Variants in ETV6 observed in about 807,000 individuals in gnomAD.
The protein encoded by ETV6 is transcription factor ETV6.
ETV6 carries 16 observed loss-of-function variants against 51.1 expected under a neutral mutation model. The ratio of observed to expected loss-of-function variants is 0.31; its 90% CI spans 0.21 to 0.48. The LOEUF (loss-of-function observed/expected upper bound fraction) is 0.48. ETV6 is among the 20% of genes least tolerant of loss of function. ETV6 has a pLI of 0.99. For synonymous variants in ETV6, 240 were observed against 224.1 expected, an observed-to-expected ratio of 1.07 and a Z score of -0.64; for missense variants, 458 against 594.8, an observed-to-expected ratio of 0.77 and a Z score of 2.39.
At chr12:11,813,733 T>C (rs578123725) in intron 2 of ETV6, among the ~76,000 whole-genome samples, 1 of 152,336 alleles carries the variant, frequency 6.6e-6, no homozygotes, top group Admixed American at 6.5e-5. Context: ...AAAAGACTTC[T>C]TGTGATATGC....
At chr12:11,676,799 T>C (rs572823218) in intron 1 of ETV6, among the ~76,000 whole-genome samples, 1 of 152,216 alleles carries the variant, frequency 6.6e-6, no homozygotes, top group African/African-American at 2.4e-5. Flanking sequence ...TGGTGCTCCA[T>C]AAATATCTGT....
At chr12:11,777,764 C>A (rs185835581) in intron 2 of ETV6, among the ~76,000 whole-genome samples, 3 of 152,236 alleles carry the variant, frequency 2.0e-5, no homozygotes, top group Non-Finnish European at 4.4e-5. Flanking sequence ...CTCCACCCCC[C>A]ACCCTAGCAA....
chr12:11,854,656 A>G (rs1329594421), intron 4 of ETV6, among the ~76,000 whole-genome samples: 1 of 152,226 alleles, frequency 6.6e-6, no homozygotes, highest in Non-Finnish European at 1.5e-5. Flanking sequence ...TTGTCATTGC[A>G]GAGCTAGTCC....
intron 2 of ETV6, among the ~76,000 whole-genome samples, chr12:11,770,798 A>G (rs3782140): frequency 0.76 from 115,109 of 152,084 alleles, 44,783 homozygotes; most frequent in South Asian, 0.95. Context: ...TATTCAGGAG[A>G]CTGAGGCAGG....
intron 2 of ETV6, among the ~76,000 whole-genome samples, chr12:11,778,024 T>C (rs1181858963): frequency 6.6e-6 from 1 of 152,178 alleles, no homozygotes; most frequent in Non-Finnish European, 1.5e-5. Flanking sequence ...CTTAAGCATT[T>C]ATGAATGGGT....
At chr12:11,811,525 A>T (rs749339242) in intron 2 of ETV6, among the ~76,000 whole-genome samples, 4 of 152,010 alleles carry the variant, frequency 2.6e-5, no homozygotes, top group Admixed American at 6.5e-5. Context: ...GACCAGGGAG[A>T]TGGCTCATTA....
intron 1 of ETV6, among the ~76,000 whole-genome samples, chr12:11,749,673 C>G (rs1865985001): frequency 6.6e-6 from 1 of 152,138 alleles, no homozygotes. Context: ...GAGAGTCAAC[C>G]TAGAGATTCA....
At chr12:11,821,698 C>T (rs557059006) in intron 2 of ETV6, among the ~76,000 whole-genome samples, 4 of 152,152 alleles carry the variant, frequency 2.6e-5, no homozygotes, top group South Asian at 4.2e-4. Flanking sequence ...TTAGATTAGC[C>T]GGGTATGGTG....
intron 1 of ETV6, among the ~76,000 whole-genome samples, chr12:11,742,838 GCT>G (rs2121027084): frequency 9.6e-6 from 1 of 104,208 alleles, no homozygotes; most frequent in South Asian, 3.0e-4. Flanking sequence ...ACAGCATCTT[GCT>G]CTGTCGCCCT....
chr12:11,663,769 G>GTA (rs570407565), intron 1 of ETV6, among the ~76,000 whole-genome samples: 4,208 of 151,348 alleles, frequency 0.028, 66 homozygotes, highest in Middle Eastern at 0.045. Context: ...GTGTGTGTGT[G>GTA]TGTATGTGTG....
chr12:11,858,365 CT>C (rs1278233352), intron 4 of ETV6, among the ~76,000 whole-genome samples: 1 of 150,192 alleles, frequency 6.7e-6, no homozygotes, highest in East Asian at 1.9e-4. Flanking sequence ...ACCTTAGGTT[CT>C]TTTATTTTGG....
intron 1 of ETV6, among the ~76,000 whole-genome samples, chr12:11,678,066 A>G (rs879499070): frequency 9.2e-5 from 14 of 152,214 alleles, no homozygotes; most frequent in Admixed American, 2.0e-4. Context: ...AGTGCCAAGC[A>G]TGGGGTCCAG....
At chr12:11,871,433 G>T (rs961718005) in intron 5 of ETV6, among the ~76,000 whole-genome samples, 3 of 151,868 alleles carry the variant, frequency 2.0e-5, no homozygotes, top group South Asian at 2.1e-4. Context: ...CTCGCGATCC[G>T]CCTGCGTCGG....
intron 1 of ETV6, among the ~76,000 whole-genome samples, chr12:11,667,123 T>A (rs1864209190): frequency 6.6e-6 from 1 of 152,228 alleles, no homozygotes; most frequent in Admixed American, 6.5e-5. Flanking sequence ...ACACTCAGCG[T>A]ACACACCTCA....
At chr12:11,890,061 T>C (rs1295275563) in intron 7 of ETV6, among the ~76,000 whole-genome samples, 1 of 151,682 alleles carries the variant, frequency 6.6e-6, no homozygotes, top group Non-Finnish European at 1.5e-5. Context: ...GTTGCAAAGG[T>C]AGACAGACTA....
intron 1 of ETV6, among the ~76,000 whole-genome samples, chr12:11,676,035 A>G (rs1864416113): frequency 6.6e-6 from 1 of 152,208 alleles, no homozygotes; most frequent in South Asian, 2.1e-4. Flanking sequence ...TAAGGTTCCC[A>G]TCTCATTCCT....
chr12:11,738,979 T>C (rs1261243928), intron 1 of ETV6, among the ~76,000 whole-genome samples: 1 of 152,026 alleles, frequency 6.6e-6, no homozygotes, highest in East Asian at 1.9e-4. Context: ...ATAGTGATGA[T>C]TTGTGTTGGG....
At chr12:11,819,910 C>T (rs1320422439) in intron 2 of ETV6, among the ~76,000 whole-genome samples, 1 of 152,176 alleles carries the variant, frequency 6.6e-6, no homozygotes, top group Non-Finnish European at 1.5e-5. Flanking sequence ...TATGTTACGC[C>T]CTTGTTTAAA....
rs74062603 is a variant in ETV6, at chr12:11,880,630, C to T, written c.1010-3815C>T. Among the ~76,000 whole-genome samples the T allele has an allele frequency of 9.3e-3, 1,420 of 152,262 alleles. 30 individuals are homozygous for T. The highest frequency in any genetic ancestry group is 0.031 in the African/African-American group (1,303 of 41,530). ...CCATGCTTGTGGTTAGAGAACTGTC[C>T]GCTTTCTTTTTGCTCTACAGTAGGC... On this transcript the variant is annotated intron_variant, in intron 5 of 7. Transcript: ENST00000396373.
Sources: gnomAD v4.1 joint callset for allele counts (sites outside exome capture counted in the v4.1 genomes callset) on GRCh38, gnomAD v4.1.1 for gene constraint, MANE v1.5 for transcripts, NCBI Gene and HGNC (gene_info 2026-07-23, HGNC 2026-07-21) for gene names.